The following IPCEF1 variants were observed in gnomAD, a reference collection of about 807,000 sequenced individuals.
The protein encoded by IPCEF1 is interactor protein for cytohesin exchange factors 1.
A neutral mutation model predicts 50.9 loss-of-function variants in IPCEF1; 31 were observed. The observed-to-expected ratio is 0.61, with a 90% CI of 0.46 to 0.82. IPCEF1 has a LOEUF of 0.82. Among genes scored for constraint, IPCEF1 ranks in the 40% least tolerant of loss-of-function variants. The pLI, the probability that IPCEF1 is intolerant of heterozygous loss-of-function variation, is 0.00. For synonymous variants in IPCEF1, 181 were observed against 192.0 expected, an observed-to-expected ratio of 0.94 and a Z score of 0.47; for missense variants, 458 against 514.0, an observed-to-expected ratio of 0.89 and a Z score of 1.05.
At chr6:154,258,463 T>C (rs2128649891) in intron 3 of IPCEF1, among the ~76,000 whole-genome samples, 1 of 152,316 alleles carries the variant, frequency 6.6e-6, no homozygotes, top group South Asian at 2.1e-4. Context: ...GCCTCTGAAA[T>C]TGATATTATA....
At chr6:154,246,525 C>G in intron 5 of IPCEF1, 66 bp downstream of exon 5, 1 of 1,488,164 alleles carries the variant, frequency 6.7e-7, no homozygotes, top group Non-Finnish European at 9.1e-7. Context: ...CCATAGGGAT[C>G]ACCTGATGCC....
chr6:154,199,867 T>C lies in IPCEF1; in HGVS notation c.711A>G (p.Gln237=), dbSNP rs998203573. The C allele has an allele frequency of 5.0e-6, 8 of 1,614,068 alleles. No individual in the cohort carries two copies. Among genetic ancestry groups the C allele is most frequent in the Non-Finnish European group, 6.8e-6 (8 of 1,180,028 alleles). Residue 237 remains glutamine (Q), a synonymous_variant, in exon 10 of 12, where the codon CAA becomes CAG. Coordinates refer to ENST00000367220, the MANE Select transcript of IPCEF1 (RefSeq NM_001130700.2). ...NSLSAAEDEG[Q]PITFAVQVHS... ...GAACTTGCACAGCAAACGTTATTGG[T>C]TGTCCCTCATCTTCAGCAGCAGACA...
intron 9 of IPCEF1, among the ~76,000 whole-genome samples, chr6:154,203,349 C>A (rs1039401398): frequency 3.9e-5 from 6 of 152,262 alleles, no homozygotes; most frequent in Non-Finnish European, 8.8e-5. Context: ...GCGGTTATTT[C>A]TATCATAATA....
chr6:154,206,698 A>G (rs913444250), intron 9 of IPCEF1, among the ~76,000 whole-genome samples: 1 of 152,258 alleles, frequency 6.6e-6, no homozygotes, highest in African/African-American at 2.4e-5. Flanking sequence ...AGATGTTCTC[A>G]TGAAGGAATC....
At chr6:154,195,151 T>C (rs1176703249) in intron 10 of IPCEF1, among the ~76,000 whole-genome samples, 39 of 145,216 alleles carry the variant, frequency 2.7e-4, no homozygotes, top group Middle Eastern at 3.5e-3. Context: ...TTCTTTCTTT[T>C]TTTTTTTTTT....
chr6:154,218,181 A>C (rs1486836294), intron 7 of IPCEF1, among the ~76,000 whole-genome samples: 1 of 152,244 alleles, frequency 6.6e-6, no homozygotes, highest in Non-Finnish European at 1.5e-5. Context: ...AGAAAATGAC[A>C]GATGTTTCCT....
Position 154,303,184 on chromosome 6 carries a change from C to G in IPCEF1, c.-61-13428G>C, listed in dbSNP as rs931068213. Among the ~76,000 whole-genome samples the G allele has an allele frequency of 2.0e-5, 3 of 151,836 alleles. No homozygotes were observed. In the East Asian group the frequency reaches 5.8e-4, roughly 29 times the overall value. ...TCAGCTCACTGCAACCTCTGCCTCC[C>G]AGATTCAAGCTATTCTCCTGCCTCA... On this transcript the variant is annotated intron_variant, in intron 1 of 11. Coordinates refer to ENST00000367220, the MANE Select transcript of IPCEF1 (RefSeq NM_001130700.2).
At chr6:154,244,772 C>T (rs1361149766) in intron 5 of IPCEF1, among the ~76,000 whole-genome samples, 1 of 152,198 alleles carries the variant, frequency 6.6e-6, no homozygotes. Flanking sequence ...GGGACAGCAG[C>T]CAGAACATAT....
At chr6:154,174,320 C>T (rs1290147865) in intron 10 of IPCEF1, among the ~76,000 whole-genome samples, 2 of 152,104 alleles carry the variant, frequency 1.3e-5, no homozygotes, top group Admixed American at 6.5e-5. Context: ...TCACACATAA[C>T]AATATTAACC....
At chr6:154,190,974 T>C (rs907979117) in intron 10 of IPCEF1, among the ~76,000 whole-genome samples, 1 of 152,040 alleles carries the variant, frequency 6.6e-6, no homozygotes, top group South Asian at 2.1e-4. Context: ...GAGAATGGCA[T>C]GAATCCAGGA....
chr6:154,238,082 T>C (rs1368770701), intron 5 of IPCEF1, among the ~76,000 whole-genome samples: 1 of 152,204 alleles, frequency 6.6e-6, no homozygotes, highest in African/African-American at 2.4e-5. Flanking sequence ...AATGATGTTG[T>C]GGATATACAT....
At chr6:154,191,017 C>T (rs1801833357) in intron 10 of IPCEF1, among the ~76,000 whole-genome samples, 1 of 152,056 alleles carries the variant, frequency 6.6e-6, no homozygotes, top group African/African-American at 2.4e-5. Flanking sequence ...GATCGCGCCA[C>T]TGCACTGCAG....
chr6:154,307,194 A>G (rs1260915944), intron 1 of IPCEF1, among the ~76,000 whole-genome samples: 5 of 152,104 alleles, frequency 3.3e-5, no homozygotes, highest in Middle Eastern at 6.8e-3. Context: ...CATAATTCCC[A>G]TGTGTTGTGG....
intron 1 of IPCEF1, among the ~76,000 whole-genome samples, chr6:154,321,078 G>C (rs1483914271): frequency 6.6e-6 from 1 of 151,056 alleles, no homozygotes; most frequent in Admixed American, 6.6e-5. Flanking sequence ...TTATAGGCGC[G>C]CACCACCACA....
chr6:154,346,929 C>T (rs1406489154), intron 1 of IPCEF1, among the ~76,000 whole-genome samples: 5 of 152,306 alleles, frequency 3.3e-5, no homozygotes, highest in African/African-American at 1.2e-4. Flanking sequence ...CTCTGCCTTC[C>T]TATTTTTTAA....
intron 1 of IPCEF1, among the ~76,000 whole-genome samples, chr6:154,328,305 G>T (rs1401694300): frequency 1.3e-5 from 2 of 152,224 alleles, no homozygotes; most frequent in Admixed American, 6.5e-5. Context: ...ATGAACACTA[G>T]GCTTGCCCAG....
At chr6:154,308,605 A>ATAAAC (rs1179669890) in intron 1 of IPCEF1, among the ~76,000 whole-genome samples, 1 of 152,198 alleles carries the variant, frequency 6.6e-6, no homozygotes, top group African/African-American at 2.4e-5. Flanking sequence ...TCTTTCAGCA[A>ATAAAC]AGCCTATCTT....
At chr6:154,220,834 A>G (rs967922829) in intron 7 of IPCEF1, among the ~76,000 whole-genome samples, 10 of 152,250 alleles carry the variant, frequency 6.6e-5, no homozygotes, top group Admixed American at 1.3e-4. Context: ...TGTTCAGGAC[A>G]ATACATGGAG....
chr6:154,331,669 T>A (rs141982764), intron 1 of IPCEF1, among the ~76,000 whole-genome samples: 78 of 152,266 alleles, frequency 5.1e-4, no homozygotes, highest in Admixed American at 1.2e-3. Context: ...CTCAAGCATG[T>A]GCACTAAGAG....
Sources: gnomAD v4.1 joint callset for allele counts (sites outside exome capture counted in the v4.1 genomes callset) on GRCh38, gnomAD v4.1.1 for gene constraint, MANE v1.5 for transcripts, NCBI Gene and HGNC (gene_info 2026-07-23, HGNC 2026-07-21) for gene names.